Variants in RGS21 observed in about 807,000 individuals in gnomAD.
RGS21 encodes the protein regulator of G protein signaling 21.
RGS21 carries 19 observed loss-of-function variants against 18.7 expected under a neutral mutation model. The observed-to-expected ratio is 1.01, with a 90% CI of 0.71 to 1.49. The LOEUF (loss-of-function observed/expected upper bound fraction) is 1.49. Ranked by LOEUF, RGS21 falls within the 40% of genes most tolerant of loss-of-function variation. The probability of loss-of-function intolerance (pLI) is 0.00; values close to 1 mark genes in which losing one functional copy is unlikely to be tolerated. For synonymous variants in RGS21, 56 were observed against 57.8 expected (o/e 0.97, Z 0.14); for missense variants, 194 against 176.8 (o/e 1.10, Z -0.55).
At chr1:192,339,490 T>G (rs1658824227) in intron 1 of RGS21, among the ~76,000 whole-genome samples, 1 of 138,796 alleles carries the variant, frequency 7.2e-6, no homozygotes, top group African/African-American at 2.6e-5. Context: ...TCTCTAAACC[T>G]TTTTTTTATG....
At chr1:192,354,953 A>C (rs997706231) in intron 4 of RGS21, among the ~76,000 whole-genome samples, 2 of 151,886 alleles carry the variant, frequency 1.3e-5, no homozygotes, top group African/African-American at 4.8e-5. Context: ...AATGGGTATC[A>C]GTTTCCTACT....
At position 192,352,312 on chromosome 1, in the gene RGS21, G is replaced by C. The variant is rs561555327; in HGVS notation, c.255+99G>C. ...CATCTAAAAGATAATCAAATTCTCAGTATGTGTTTAAATAGAAAATGTCAG... is the reference window on the plus strand; with the variant it reads ...CATCTAAAAGATAATCAAATTCTCACTATGTGTTTAAATAGAAAATGTCAG... On this transcript the variant is annotated intron_variant, in intron 4 of 4. Coordinates refer to ENST00000417209, the MANE Select transcript of RGS21 (RefSeq NM_001039152.3). 1.1e-4 allele frequency: 87 copies of C among 809,654 alleles called. 1 individual carries two copies. In the South Asian group the frequency reaches 2.3e-3, roughly 22 times the overall value. 50.2% of individuals were successfully genotyped at this position (809,654 alleles called of 1,614,324 possible). A position where few individuals can be genotyped will look rare whatever the true frequency, so the allele number is the denominator to read the frequency against.
At chr1:192,339,227 A>T (rs575019553) in intron 1 of RGS21, among the ~76,000 whole-genome samples, 184 of 147,070 alleles carry the variant, frequency 1.3e-3, no homozygotes, top group East Asian at 4.7e-3. Context: ...TTTTTTTTTA[A>T]AAAAAAAGAA....
chr1:192,340,294 A>G (rs1018240731), intron 1 of RGS21, among the ~76,000 whole-genome samples: 6 of 152,156 alleles, frequency 3.9e-5, no homozygotes, highest in Non-Finnish European at 7.4e-5. Context: ...ATAAATAAGC[A>G]TATATAAATA....
At chr1:192,356,891 A>C (rs1210188877) in intron 4 of RGS21, among the ~76,000 whole-genome samples, 1 of 151,682 alleles carries the variant, frequency 6.6e-6, no homozygotes, top group Non-Finnish European at 1.5e-5. Context: ...GTGCTTGCTT[A>C]TTTGTTAATT....
chr1:192,336,861 T>C (rs1378573605), intron 1 of RGS21, among the ~76,000 whole-genome samples: 3 of 152,148 alleles, frequency 2.0e-5, no homozygotes, highest in Non-Finnish European at 4.4e-5. Flanking sequence ...AATCTTGTTA[T>C]GAGTTGAGGG....
At chr1:192,336,464 TAAATA>T (rs911362350) in intron 1 of RGS21, among the ~76,000 whole-genome samples, 2 of 151,842 alleles carry the variant, frequency 1.3e-5, no homozygotes, top group African/African-American at 2.4e-5. Context: ...AAAAAATAAA[TAAATA>T]AAATAAAATA....
chr1:192,326,720 A>G (rs967949245), intron 1 of RGS21, among the ~76,000 whole-genome samples: 8 of 152,162 alleles, frequency 5.3e-5, no homozygotes, highest in South Asian at 2.1e-4. Flanking sequence ...CTCAGTTTGT[A>G]TTTATAATAT....
At chr1:192,337,386 A>G (rs959959454) in intron 1 of RGS21, among the ~76,000 whole-genome samples, 7 of 152,030 alleles carry the variant, frequency 4.6e-5, no homozygotes, top group Non-Finnish European at 8.8e-5. Context: ...AGTTAATAAA[A>G]AAATAACTTT....
At chr1:192,333,447 A>G (rs1174942261) in intron 1 of RGS21, among the ~76,000 whole-genome samples, 2 of 152,058 alleles carry the variant, frequency 1.3e-5, no homozygotes, top group Non-Finnish European at 2.9e-5. Context: ...TTAAGTAGTG[A>G]ATGATTAAAT....
At position 192,353,590 on chromosome 1, in the gene RGS21, T is replaced by C. The variant is rs529022691; in HGVS notation, c.255+1377T>C. ...TAATAGTAGTTGCTTTAGGATAATATTTTGAAACATTGTGTGTGAAAAATC... is the reference window on the plus strand; with the variant it reads ...TAATAGTAGTTGCTTTAGGATAATACTTTGAAACATTGTGTGTGAAAAATC... On this transcript the variant is annotated intron_variant, in intron 4 of 4. Transcript: ENST00000417209. 2.0e-4 allele frequency among the ~76,000 whole-genome samples: 30 copies of C among 151,940 alleles called. No individual in the cohort carries two copies. In the South Asian group the frequency reaches 6.0e-3, roughly 30 times the overall value.
intron 1 of RGS21, among the ~76,000 whole-genome samples, chr1:192,325,202 T>C (rs1658553080): frequency 6.6e-6 from 1 of 152,090 alleles, no homozygotes; most frequent in South Asian, 2.1e-4. Flanking sequence ...TAGCTCCCAC[T>C]TATAACTAAG....
In RGS21 at chr1:192,332,517, G is replaced by T. The variant is rs544964859; in HGVS notation, c.-60-10460G>T. Among the ~76,000 whole-genome samples, 7 of 152,258 alleles carry T rather than the reference G, an allele frequency of 4.6e-5. No homozygotes were observed. In the East Asian group the frequency reaches 1.4e-3, roughly 29 times the overall value. On this transcript the variant is annotated intron_variant, in intron 1 of 4. Coordinates refer to ENST00000417209, the MANE Select transcript of RGS21 (RefSeq NM_001039152.3). ...ACTCTAAAATGGTTAGAATATAACA[G>T]GAGAAAGTATTTGGGATCTAGGACC...
chr1:192,344,704 G>A (rs891565746), intron 2 of RGS21, among the ~76,000 whole-genome samples: 1 of 152,068 alleles, frequency 6.6e-6, no homozygotes, highest in Non-Finnish European at 1.5e-5. Flanking sequence ...TTTCTGAAAA[G>A]TAAATGCTAT....
In RGS21 at chr1:192,343,081, A is replaced by G. The variant is rs79177568; in HGVS notation, c.11+34A>G. ...CCGTTTCCAGCTATTTTTATCTCAG[A>G]AGATGTACAAATGAAACACTTGAGT... On this transcript the variant is annotated intron_variant, in intron 2 of 4. Coordinates refer to ENST00000417209, the MANE Select transcript of RGS21 (RefSeq NM_001039152.3). 3.7e-4 allele frequency: 592 copies of G among 1,604,038 alleles called. 2 individuals are homozygous for G. In the African/African-American group the frequency reaches 5.8e-3, roughly 16 times the overall value.
intron 1 of RGS21, among the ~76,000 whole-genome samples, chr1:192,328,830 A>G (rs923644431): frequency 6.6e-6 from 1 of 152,134 alleles, no homozygotes; most frequent in Non-Finnish European, 1.5e-5. Flanking sequence ...TTGGTTAAAG[A>G]AATCAACAAA....
chr1:192,365,300 G>T (rs576335602), intron 4 of RGS21, among the ~76,000 whole-genome samples: 8 of 152,214 alleles, frequency 5.3e-5, no homozygotes, highest in African/African-American at 1.9e-4. Flanking sequence ...CAGGTGAATG[G>T]TGTGTTTCAA....
intron 3 of RGS21, among the ~76,000 whole-genome samples, chr1:192,350,704 A>G (rs527652551): frequency 6.6e-6 from 1 of 152,310 alleles, no homozygotes; most frequent in African/African-American, 2.4e-5. Context: ...AAACTGTGAC[A>G]CTGAATAACA....
At chr1:192,350,266 T>A (rs902915666) in intron 3 of RGS21, among the ~76,000 whole-genome samples, 19 of 152,210 alleles carry the variant, frequency 1.2e-4, no homozygotes, top group Non-Finnish European at 1.9e-4. Context: ...TTTAAAAAAA[T>A]CTGTTAAATC....
Sources: allele counts gnomAD v4.1 joint callset (sites outside exome capture counted in the v4.1 genomes callset), GRCh38; gene constraint gnomAD v4.1.1; transcripts MANE v1.5; gene names NCBI Gene and HGNC (gene_info 2026-07-23, HGNC 2026-07-21).